NFIA: variants seen among roughly 807,000 people sequenced by gnomAD.
The protein encoded by NFIA is nuclear factor 1 A-type.
Under a neutral mutation model 62.8 loss-of-function variants are expected in NFIA, and 8 were observed. The observed-to-expected ratio is 0.13, with a 90% CI of 0.07 to 0.23. The LOEUF (loss-of-function observed/expected upper bound fraction) is 0.23, where lower values mean the gene tolerates loss of function less well. Ranked by LOEUF, NFIA falls within the 10% of genes least tolerant of loss-of-function variation. The pLI is 1.00. For synonymous variants in NFIA, 235 were observed against 238.1 expected, an observed-to-expected ratio of 0.99 and a Z score of 0.12; for missense variants, 410 against 642.1, an observed-to-expected ratio of 0.64 and a Z score of 3.91.
In NFIA at chr1:61,329,915, A is replaced by G. The variant is rs567641857; in HGVS notation, c.626-2597A>G. ...GGAGGCTTTCCCACCATGCTGGTGA[A>G]GAGGGAAGGTCCTGAGCCACAGTCG... On this transcript the variant is annotated intron_variant, in intron 3 of 10. Coordinates refer to ENST00000403491, the MANE Select transcript of NFIA (RefSeq NM_001134673.4). Among the ~76,000 whole-genome samples the G allele has an allele frequency of 4.6e-5, 7 of 152,300 alleles. No individual in the cohort carries two copies. In the East Asian group the frequency reaches 1.4e-3, roughly 29 times the overall value.
chr1:61,453,571 AC>A (rs772866476), intron 10 of NFIA, among the ~76,000 whole-genome samples: 13 of 147,880 alleles, frequency 8.8e-5, no homozygotes, highest in Non-Finnish European at 1.9e-4. Flanking sequence ...CTGCTGACTC[AC>A]TGGGTGCCAG....
chr1:61,097,823 C>T (rs1294941460), intron 2 of NFIA, among the ~76,000 whole-genome samples: 1 of 152,144 alleles, frequency 6.6e-6, no homozygotes, highest in Admixed American at 6.5e-5. Flanking sequence ...ATTGTACATA[C>T]AGGGTCCCAT....
intron 2 of NFIA, among the ~76,000 whole-genome samples, chr1:61,246,427 A>G (rs768780959): frequency 6.6e-6 from 1 of 152,190 alleles, no homozygotes; most frequent in Non-Finnish European, 1.5e-5. Flanking sequence ...ATAATCATTT[A>G]CTATGACAGT....
chr1:61,081,219 C>T (rs1646090400), upstream of NFIA, among the ~76,000 whole-genome samples: 1 of 151,890 alleles, frequency 6.6e-6, no homozygotes, highest in East Asian at 1.9e-4. Context: ...GCTTTCCCCC[C>T]TCCGAGAGAG....
intron 8 of NFIA, among the ~76,000 whole-genome samples, chr1:61,405,677 AC>A (rs1469986139): frequency 6.6e-6 from 1 of 152,172 alleles, no homozygotes; most frequent in Non-Finnish European, 1.5e-5. Context: ...TAGTCCTGAC[AC>A]CCTATATAAC....
intron 2 of NFIA, among the ~76,000 whole-genome samples, chr1:61,268,986 A>G (rs1292652371): frequency 6.6e-6 from 1 of 152,126 alleles, no homozygotes; most frequent in Non-Finnish European, 1.5e-5. Context: ...TTGTTTGGGA[A>G]GCTTCTGCAT....
chr1:61,373,733 A>G (rs563044418), intron 6 of NFIA, among the ~76,000 whole-genome samples: 1 of 152,244 alleles, frequency 6.6e-6, no homozygotes, highest in East Asian at 1.9e-4. Context: ...ATGGAGAGGA[A>G]AAGCTTTCAT....
chr1:61,358,312 T>C (rs1282794385), intron 5 of NFIA, among the ~76,000 whole-genome samples: 2 of 107,318 alleles, frequency 1.9e-5, no homozygotes, highest in Non-Finnish European at 3.8e-5. Flanking sequence ...AAGTGGAAGA[T>C]GGGAAAATGT....
chr1:61,248,162 A>G (rs1655771936), intron 2 of NFIA, among the ~76,000 whole-genome samples: 5 of 152,170 alleles, frequency 3.3e-5, no homozygotes, highest in Admixed American at 2.0e-4. Context: ...GCTCACCCTC[A>G]ACTAGCTGTC....
intron 5 of NFIA, among the ~76,000 whole-genome samples, chr1:61,352,802 CTG>C (rs1662625675): frequency 6.6e-6 from 1 of 151,328 alleles, no homozygotes; most frequent in Non-Finnish European, 1.5e-5. Flanking sequence ...CACTAAAAAA[CTG>C]TGAACTAAAT....
Position 61,455,646 on chromosome 1 carries a change from C to A in NFIA, c.*326C>A. ...AGGTGACGTGGCTAGCGGAGGACTA[C>A]CCTTGCTCACTGACTTCCTGTTGTA... On this transcript the variant is annotated 3_prime_UTR_variant, in exon 11 of 11. Transcript: ENST00000403491. The A allele has an allele frequency of 2.5e-6, 1 of 401,262 alleles. No homozygotes were observed. The highest frequency in any genetic ancestry group is 4.4e-6 in the Non-Finnish European group (1 of 228,486). 24.9% of individuals were successfully genotyped at this position (401,262 alleles called of 1,614,324 possible).
intron 2 of NFIA, among the ~76,000 whole-genome samples, chr1:61,260,231 T>G (rs1008723464): frequency 3.0e-4 from 46 of 152,360 alleles, no homozygotes; most frequent in Middle Eastern, 3.4e-3. Flanking sequence ...TCCATGCACT[T>G]TTTCAGAAAA....
intron 2 of NFIA, among the ~76,000 whole-genome samples, chr1:61,218,811 A>G (rs1464965098): frequency 6.6e-6 from 1 of 152,230 alleles, no homozygotes; most frequent in Non-Finnish European, 1.5e-5. Context: ...TTTTATTATT[A>G]TAATTAATGT....
intron 2 of NFIA, among the ~76,000 whole-genome samples, chr1:61,204,904 A>G (rs1362460727): frequency 6.6e-6 from 1 of 152,188 alleles, no homozygotes; most frequent in East Asian, 1.9e-4. Context: ...CATTCACTCC[A>G]TGACTTTTTA....
intron 2 of NFIA, among the ~76,000 whole-genome samples, chr1:61,213,207 G>A (rs6684632): frequency 0.21 from 32,129 of 152,152 alleles, 5,137 homozygotes; most frequent in African/African-American, 0.44. Context: ...GGTTCCTCCA[G>A]TGGTTTCATA....
chr1:61,144,745 C>G (rs1326695600), intron 2 of NFIA, among the ~76,000 whole-genome samples: 1 of 152,156 alleles, frequency 6.6e-6, no homozygotes, highest in South Asian at 2.1e-4. Flanking sequence ...TCTCCAGGAT[C>G]CAGCACCTGG....
chr1:61,460,824 C>CT lies in NFIA; in HGVS notation c.*5506dup. ...TATTAATGCATGCGATTCCATAATG[C>CT]TTAGTGAACTGTATGAATATTACTC... On this transcript the variant is annotated 3_prime_UTR_variant, in exon 11 of 11. Transcript: ENST00000403491. 1 of 152,158 alleles carries CT rather than the reference C, an allele frequency of 6.6e-6. No individual in the cohort carries two copies. Among genetic ancestry groups the CT allele is most frequent in the Non-Finnish European group, 1.5e-5 (1 of 68,038 alleles). The allele number at this position is 152,158 out of a possible 1,614,324, so 9.4% of individuals were successfully genotyped here. A position where few individuals can be genotyped will look rare whatever the true frequency, so the allele number is the denominator to read the frequency against.
rs186285012 is a variant in NFIA, at chr1:61,416,088, G to A, written c.1420+9361G>A. On this transcript the variant is annotated intron_variant, in intron 9 of 10. Transcript: ENST00000403491. ...TGTATGGAATGCTGCATGGGAGAGG[G>A]GATGCATGTACGTATCAGACTGTAT... Among the ~76,000 whole-genome samples, 237 of 152,178 alleles carry A rather than the reference G, an allele frequency of 1.6e-3. 2 individuals carry two copies. The highest frequency in any genetic ancestry group is 5.6e-3 in the African/African-American group (232 of 41,540).
intron 2 of NFIA, among the ~76,000 whole-genome samples, chr1:61,110,201 A>G (rs988546319): frequency 6.6e-6 from 1 of 151,702 alleles, no homozygotes; most frequent in African/African-American, 2.4e-5. Flanking sequence ...ACAGGTATGC[A>G]ATTTGGCTAA....
Sources: gnomAD v4.1 joint callset for allele counts (sites outside exome capture counted in the v4.1 genomes callset) on GRCh38, gnomAD v4.1.1 for gene constraint, MANE v1.5 for transcripts, NCBI Gene and HGNC (gene_info 2026-07-23, HGNC 2026-07-21) for gene names.